Variants in CRTC3 observed in about 807,000 individuals in gnomAD.
The protein encoded by CRTC3 is CREB-regulated transcription coactivator 3.
Under a neutral mutation model 74.5 loss-of-function variants are expected in CRTC3, and 26 were observed. The ratio of observed to expected loss-of-function variants is 0.35; its 90% confidence interval spans 0.26 to 0.48. The LOEUF (loss-of-function observed/expected upper bound fraction) is 0.48, where lower values mean the gene tolerates loss of function less well. Among genes scored for constraint, CRTC3 ranks in the 20% least tolerant of loss-of-function variants. The pLI is 0.99. For synonymous variants in CRTC3, 377 were observed against 325.8 expected, an observed-to-expected ratio of 1.16 and a Z score of -1.69; for missense variants, 760 against 787.3, an observed-to-expected ratio of 0.97 and a Z score of 0.41.
chr15:90,547,456 A>G (rs1346467366), intron 2 of CRTC3, among the ~76,000 whole-genome samples: 4 of 152,216 alleles, frequency 2.6e-5, no homozygotes, highest in Non-Finnish European at 5.9e-5. Flanking sequence ...TTAATATACT[A>G]AAGACCAATT....
rs539215148 is a variant in CRTC3, at chr15:90,592,636, C to G, written c.232-1000C>G. Among the ~76,000 whole-genome samples, 4 of 152,308 alleles carry G rather than the reference C, an allele frequency of 2.6e-5. No homozygotes were observed. The East Asian group carries it at 7.7e-4, about 29-fold the overall frequency. ...AATCTGTTTCTGCTTTCATTTGTAT[C>G]ATTTAGGGACTGATGATTTGTATGT... is the stretch of plus-strand genomic sequence containing the variant. On this transcript the variant is annotated intron_variant, in intron 2 of 14. Coordinates refer to ENST00000268184, the MANE Select transcript of CRTC3 (RefSeq NM_022769.5).
At chr15:90,635,459 A>T (rs931039220) in intron 11 of CRTC3, among the ~76,000 whole-genome samples, 5 of 152,156 alleles carry the variant, frequency 3.3e-5, no homozygotes, top group African/African-American at 1.2e-4. Flanking sequence ...AGCCTGGCCA[A>T]CATGGTGAAA....
intron 3 of CRTC3, among the ~76,000 whole-genome samples, chr15:90,601,348 TG>T (rs1968063690): frequency 6.6e-6 from 1 of 152,160 alleles, no homozygotes; most frequent in Non-Finnish European, 1.5e-5. Context: ...GCCTCTTTTT[TG>T]GTTATAAATA....
At chr15:90,611,030 G>A (rs1191922993) in intron 6 of CRTC3, among the ~76,000 whole-genome samples, 2 of 152,132 alleles carry the variant, frequency 1.3e-5, no homozygotes, top group African/African-American at 2.4e-5. Context: ...TTAAGGAGAA[G>A]GTTTACAATG....
intron 2 of CRTC3, among the ~76,000 whole-genome samples, chr15:90,546,645 C>T (rs545709255): frequency 5.3e-5 from 8 of 151,420 alleles, no homozygotes; most frequent in Non-Finnish European, 8.8e-5. Context: ...TTTTTTGAGA[C>T]GGAGTCTCAC....
chr15:90,588,425 T>C (rs1287649920), intron 2 of CRTC3, among the ~76,000 whole-genome samples: 1 of 150,600 alleles, frequency 6.6e-6, no homozygotes, highest in Non-Finnish European at 1.5e-5. Context: ...CTGGAATACC[T>C]TCTACGTCTC....
intron 6 of CRTC3, 25 bp from the exon 7 acceptor site, chr15:90,614,428 T>G (rs754437154): frequency 6.3e-7 from 1 of 1,579,308 alleles, no homozygotes; most frequent in South Asian, 1.1e-5. Flanking sequence ...AGTGTTTTCT[T>G]TTTTTCTTTT....
intron 5 of CRTC3, among the ~76,000 whole-genome samples, chr15:90,605,399 G>A (rs1012512859): frequency 5.9e-5 from 9 of 152,130 alleles, no homozygotes; most frequent in East Asian, 1.9e-4. Flanking sequence ...CCTCAGTCCC[G>A]TGACTGGCTA....
At chr15:90,542,167 G>A (rs1413783415) in intron 2 of CRTC3, among the ~76,000 whole-genome samples, 1 of 148,782 alleles carries the variant, frequency 6.7e-6, no homozygotes, top group Non-Finnish European at 1.5e-5. Flanking sequence ...ATACTTGGAA[G>A]TATAGTCCAC....
chr15:90,594,749 A>T (rs1043302518), intron 3 of CRTC3: 7 of 152,134 alleles, frequency 4.6e-5, no homozygotes, highest in African/African-American at 1.7e-4. Flanking sequence ...CTGATGAGGA[A>T]ACTGAGTGTG....
Position 90,635,969 on chromosome 15 carries a change from T to C in CRTC3, c.1267-2477T>C, listed in dbSNP as rs550876161. On this transcript the variant is annotated intron_variant, in intron 11 of 14. Transcript: ENST00000268184. ...GTAGGAAGAATCAATATTGTGAAAATGGCCATACTGCCCAAGGTAATTTAT... is the reference window on the plus strand; with the variant it reads ...GTAGGAAGAATCAATATTGTGAAAACGGCCATACTGCCCAAGGTAATTTAT... 3.1e-3 allele frequency among the ~76,000 whole-genome samples: 475 copies of C among 152,120 alleles called. 4 individuals carry two copies. The highest frequency in any genetic ancestry group is 0.015 in the South Asian group (70 of 4,814).
rs1230424813 is a variant in CRTC3 at position 90,530,333 on chromosome 15, G to A, written c.132+130G>A. The A allele has an allele frequency of 2.3e-6, 1 of 442,416 alleles. No homozygotes were observed. Among genetic ancestry groups the A allele is most frequent in the Non-Finnish European group, 3.0e-6 (1 of 333,582 alleles). 27.4% of individuals were successfully genotyped at this position (442,416 alleles called of 1,614,324 possible). A position where few individuals can be genotyped will look rare whatever the true frequency, so the allele number is the denominator to read the frequency against. On this transcript the variant is annotated intron_variant, in intron 1 of 14. Transcript: ENST00000268184. The surrounding 1 kb of genome is among the most constrained non-coding windows in gnomAD (Gnocchi z 6.2). ...GGCCGCGCCCGGGAACCGGCGGCTG[G>A]GAGGGGGACCGGAGCGGCCGCGGCC...
intron 5 of CRTC3, among the ~76,000 whole-genome samples, chr15:90,607,107 G>A (rs796661608): frequency 4.6e-5 from 7 of 152,266 alleles, no homozygotes; most frequent in African/African-American, 1.2e-4. Flanking sequence ...CCATGAATCC[G>A]AGGCCCACCT....
chr15:90,602,653 A>AAAC (rs145435527), intron 4 of CRTC3, among the ~76,000 whole-genome samples: 78 of 150,372 alleles, frequency 5.2e-4, no homozygotes, highest in Admixed American at 3.6e-3. Flanking sequence ...CAAACAAACA[A>AAAC]AACAACAACA....
At chr15:90,639,940 T>G (rs1969380058) in intron 13 of CRTC3, among the ~76,000 whole-genome samples, 1 of 151,884 alleles carries the variant, frequency 6.6e-6, no homozygotes, top group Non-Finnish European at 1.5e-5. Context: ...TCCCAGCTAC[T>G]CGGGAGGCTG....
Position 90,604,606 on chromosome 15 carries a change from A to G in CRTC3, c.476+159A>G, listed in dbSNP as rs1468009750. 8.0e-6 allele frequency: 5 copies of G among 622,942 alleles called. No homozygotes were observed. The African/African-American group carries it at 9.2e-5, about 11-fold the overall frequency. 38.6% of individuals were successfully genotyped at this position (622,942 alleles called of 1,614,324 possible). ...CCATTTTTTGAGTGTCTACAGGGGA[A>G]AGTATAGAGCACACGAGGTCTGGGA... is the stretch of plus-strand genomic sequence containing the variant. On this transcript the variant is annotated intron_variant, in intron 5 of 14. Transcript: ENST00000268184.
intron 3 of CRTC3, chr15:90,600,710 G>A (rs998931099): frequency 2.0e-5 from 3 of 152,242 alleles, no homozygotes; most frequent in Non-Finnish European, 4.4e-5. Context: ...CACAGTAGGT[G>A]CTTAGATATC....
rs866224751 is a variant in CRTC3, at chr15:90,569,039, C to T, written c.232-24597C>T. 8.0e-5 allele frequency among the ~76,000 whole-genome samples: 12 copies of T among 150,210 alleles called. No homozygotes were observed. In the Middle Eastern group the frequency reaches 0.024, roughly 302 times the overall value. ...ACAGAGTTTCTCCCGGTCACCCAGG[C>T]GAGAGTGCAGTGGTGCAATCATAGC... On this transcript the variant is annotated intron_variant, in intron 2 of 14. Transcript: ENST00000268184.
intron 2 of CRTC3, among the ~76,000 whole-genome samples, chr15:90,584,936 C>T (rs1301575053): frequency 1.3e-5 from 2 of 152,128 alleles, no homozygotes; most frequent in Non-Finnish European, 2.9e-5. Flanking sequence ...CAATGAATAG[C>T]TTTGTGACTT....
Sources: gnomAD v4.1 joint callset for allele counts (sites outside exome capture counted in the v4.1 genomes callset) on GRCh38, gnomAD v4.1.1 for gene constraint, Gnocchi (gnomAD v3.1) non-coding constraint, MANE v1.5 for transcripts, NCBI Gene and HGNC (gene_info 2026-07-23, HGNC 2026-07-21) for gene names.